ZBTB20: variants seen among roughly 807,000 people sequenced by gnomAD.
The protein encoded by ZBTB20 is zinc finger and BTB domain containing 20.
A neutral mutation model predicts 56.9 loss-of-function variants in ZBTB20; 9 were observed. That is an observed-to-expected ratio of 0.16 (90% CI 0.10 to 0.28). The LOEUF (loss-of-function observed/expected upper bound fraction) is 0.28, where lower values mean the gene tolerates loss of function less well. ZBTB20 is among the 10% of genes least tolerant of loss of function. ZBTB20 has a pLI of 1.00. For synonymous variants in ZBTB20, 417 were observed against 420.7 expected (o/e 0.99, Z 0.11); for missense variants, 655 against 1,003.0 (o/e 0.65, Z 4.69).
At chr3:114,874,678 G>A (rs2076128370) in intron 4 of ZBTB20, among the ~76,000 whole-genome samples, 1 of 152,162 alleles carries the variant, frequency 6.6e-6, no homozygotes, top group African/African-American at 2.4e-5. Context: ...CAATGCAGCA[G>A]TGAGATGGCC....
intron 2 of ZBTB20, among the ~76,000 whole-genome samples, chr3:115,049,723 G>A (rs1037174350): frequency 6.6e-6 from 1 of 151,984 alleles, no homozygotes; most frequent in African/African-American, 2.4e-5. Flanking sequence ...TTATTTCTCA[G>A]AAGAAAGACT....
At chr3:114,506,528 T>G (rs976862594) in intron 6 of ZBTB20, among the ~76,000 whole-genome samples, 1 of 152,142 alleles carries the variant, frequency 6.6e-6, no homozygotes, top group Non-Finnish European at 1.5e-5. Context: ...TTATTGCTGC[T>G]AAACTAGACA....
chr3:114,382,893 C>T (rs949131167), intron 8 of ZBTB20, among the ~76,000 whole-genome samples: 3 of 152,140 alleles, frequency 2.0e-5, no homozygotes, highest in Non-Finnish European at 4.4e-5. Flanking sequence ...CCATGATGTG[C>T]CAACATGGGC....
intron 6 of ZBTB20, among the ~76,000 whole-genome samples, chr3:114,637,184 C>T (rs182020116): frequency 6.6e-4 from 100 of 152,090 alleles, no homozygotes; most frequent in Non-Finnish European, 9.6e-4. Flanking sequence ...ATCCTCTTGA[C>T]TGGAGTAGAA....
intron 6 of ZBTB20, among the ~76,000 whole-genome samples, chr3:114,575,413 ATT>A (rs1255150412): frequency 6.6e-6 from 1 of 152,112 alleles, no homozygotes; most frequent in Admixed American, 6.5e-5. Context: ...GCTAATCTAT[ATT>A]GTTTTATTTA....
chr3:114,970,346 A>C (rs980388451), intron 3 of ZBTB20, among the ~76,000 whole-genome samples: 13 of 152,224 alleles, frequency 8.5e-5, no homozygotes, highest in Non-Finnish European at 1.5e-4. Flanking sequence ...TAGAGGAATA[A>C]AAAACATCTT....
intron 7 of ZBTB20, among the ~76,000 whole-genome samples, chr3:114,463,392 C>T (rs982340034): frequency 1.3e-5 from 2 of 152,140 alleles, no homozygotes; most frequent in Non-Finnish European, 2.9e-5. Flanking sequence ...CAGGTTACAG[C>T]TAAGGTGGTA....
chr3:114,997,528 T>C (rs909006354), intron 2 of ZBTB20, among the ~76,000 whole-genome samples: 4 of 151,826 alleles, frequency 2.6e-5, no homozygotes, highest in Middle Eastern at 3.4e-3. Flanking sequence ...TCAAGACAGA[T>C]TGAAATGTTA....
chr3:114,818,459 T>C (rs571609479), intron 4 of ZBTB20, among the ~76,000 whole-genome samples: 20 of 152,076 alleles, frequency 1.3e-4, no homozygotes, highest in Non-Finnish European at 2.6e-4. Context: ...GAAAGGGCTA[T>C]GCATCTTAAT....
chr3:114,390,101 C>T (rs571959003), intron 7 of ZBTB20, among the ~76,000 whole-genome samples: 37 of 152,210 alleles, frequency 2.4e-4, no homozygotes, highest in Non-Finnish European at 4.3e-4. Context: ...CTGGCAGCCA[C>T]CATTCTAATT....
chr3:114,897,157 A>T lies in ZBTB20; in HGVS notation c.-417+3147T>A, dbSNP rs180810346. On this transcript the variant is annotated intron_variant, in intron 4 of 11. Transcript: ENST00000675478. Reference sequence around the variant, plus strand: ...ATACTATTATTTTCCCAGTTTTACAAATGAGTAAACAAGGGAACAGAAACA... The same window carrying T: ...ATACTATTATTTTCCCAGTTTTACATATGAGTAAACAAGGGAACAGAAACA... 2.0e-4 allele frequency among the ~76,000 whole-genome samples: 30 copies of T among 152,292 alleles called. No individual in the cohort carries two copies. In the East Asian group the frequency reaches 5.6e-3, roughly 28 times the overall value.
At chr3:114,536,456 G>C (rs185784701) in intron 6 of ZBTB20, among the ~76,000 whole-genome samples, 1 of 152,062 alleles carries the variant, frequency 6.6e-6, no homozygotes, top group Non-Finnish European at 1.5e-5. Flanking sequence ...TCTTCAAAGA[G>C]AACTACAAAC....
chr3:114,908,053 C>A (rs1242455635), intron 3 of ZBTB20, among the ~76,000 whole-genome samples: 3 of 151,784 alleles, frequency 2.0e-5, no homozygotes, highest in Middle Eastern at 3.4e-3. Context: ...AGGGAGTTAG[C>A]CAGAAATGCC....
intron 7 of ZBTB20, among the ~76,000 whole-genome samples, chr3:114,475,144 C>T (rs2040596481): frequency 6.6e-6 from 1 of 152,172 alleles, no homozygotes; most frequent in South Asian, 2.1e-4. Flanking sequence ...AACTCAATTA[C>T]TTCTTTGCAG....
At chr3:115,038,690 A>G (rs184928133) in intron 2 of ZBTB20, among the ~76,000 whole-genome samples, 19 of 152,224 alleles carry the variant, frequency 1.2e-4, no homozygotes, top group Admixed American at 3.9e-4. Flanking sequence ...GAAATCATCA[A>G]TTTTTAAAAA....
chr3:114,364,890 C>T (rs1176218365), intron 10 of ZBTB20, among the ~76,000 whole-genome samples: 1 of 152,116 alleles, frequency 6.6e-6, no homozygotes, highest in African/African-American at 2.4e-5. Flanking sequence ...CTTTTAGTTT[C>T]CTCAGTTTGC....
intron 3 of ZBTB20, among the ~76,000 whole-genome samples, chr3:114,958,843 T>A: frequency 6.8e-6 from 1 of 147,236 alleles, no homozygotes. Flanking sequence ...AGAGTGAGAG[T>A]CTGTCTCAGA....
intron 2 of ZBTB20, among the ~76,000 whole-genome samples, chr3:115,044,051 C>T (rs1486838822): frequency 6.6e-6 from 1 of 152,150 alleles, no homozygotes; most frequent in African/African-American, 2.4e-5. Context: ...TGCCTTCTGC[C>T]ATTACTGTAA....
intron 5 of ZBTB20, among the ~76,000 whole-genome samples, chr3:114,721,214 G>A (rs967815864): frequency 6.6e-6 from 1 of 152,094 alleles, no homozygotes; most frequent in South Asian, 2.1e-4. Flanking sequence ...TCTATTAAAG[G>A]CTTGTAAAGT....
Sources: allele counts gnomAD v4.1 joint callset (sites outside exome capture counted in the v4.1 genomes callset), GRCh38; gene constraint gnomAD v4.1.1; transcripts MANE v1.5; gene names NCBI Gene and HGNC (gene_info 2026-07-23, HGNC 2026-07-21).